Variants in BRD4 observed in about 807,000 individuals in gnomAD.
BRD4 encodes bromodomain-containing protein 4.
In BRD4, 16 loss-of-function variants were observed where a neutral mutation model predicts 142.1. The ratio of observed to expected loss-of-function variants is 0.11; its 90% CI spans 0.08 to 0.17. The LOEUF is 0.17. Ranked by LOEUF, BRD4 falls within the 10% of genes least tolerant of loss-of-function variation. The pLI is 1.00. For synonymous variants in BRD4, 833 were observed against 707.5 expected (o/e 1.18, Z -2.82); for missense variants, 1,424 against 1,810.9 (o/e 0.79, Z 3.88).
intron 1 of BRD4, among the ~76,000 whole-genome samples, chr19:15,310,852 T>C (rs2047964086): frequency 6.6e-6 from 1 of 152,030 alleles, no homozygotes; most frequent in African/African-American, 2.4e-5. Flanking sequence ...GTTTGAACCA[T>C]CTCCCGTACC....
chr19:15,329,878 CACA>C (rs926639891), intron 1 of BRD4, among the ~76,000 whole-genome samples: 19 of 152,296 alleles, frequency 1.2e-4, no homozygotes, highest in African/African-American at 3.6e-4. Flanking sequence ...GTACAAAGAT[CACA>C]ACAACTGGCT....
In BRD4 at chr19:15,244,424, C is replaced by G. The variant is rs369957072; in HGVS notation, c.2388G>C (p.Ser796=). 1 of 1,536,016 alleles carries G rather than the reference C, an allele frequency of 6.5e-7. No homozygotes were observed. Among genetic ancestry groups the G allele is most frequent in the Non-Finnish European group, 8.7e-7 (1 of 1,146,706 alleles). ...CCTGGGTGGCAATGAAGGGTGGGGG[C>G]GAGGACTTCATCGCCGGGGCTGCCT... is the stretch of plus-strand genomic sequence containing the variant. ...PQQAAPAMKS[S]PPPFIATQVP... is the part of the protein sequence containing the mutation. The change falls in exon 13 of 20, where the codon TCG becomes TCC. Residue 796 remains serine, a synonymous_variant. Transcript: ENST00000679869.
chr19:15,277,895 A>G (rs2047664751), intron 1 of BRD4, among the ~76,000 whole-genome samples: 1 of 151,704 alleles, frequency 6.6e-6, no homozygotes, highest in Non-Finnish European at 1.5e-5. Flanking sequence ...TCACGAGGTC[A>G]GGAGACCGAG....
rs575003762 is a variant in BRD4, at chr19:15,284,332, C to T, written c.-34-11199G>A. Among the ~76,000 whole-genome samples the T allele has an allele frequency of 4.6e-5, 7 of 152,280 alleles. No individual in the cohort carries two copies. In the South Asian group the frequency reaches 1.0e-3, roughly 23 times the overall value. On this transcript the variant is annotated intron_variant, in intron 1 of 19. Transcript: ENST00000679869. ...AACGCAGAATGTGACACTAAATTAA[C>T]GTCAGAGCTTCCAGCTTCCAAAGAC... is the stretch of plus-strand genomic sequence containing the variant.
At chr19:15,301,696 C>T (rs1466940542) in intron 1 of BRD4, among the ~76,000 whole-genome samples, 2 of 151,226 alleles carry the variant, frequency 1.3e-5, no homozygotes, top group African/African-American at 2.4e-5. Context: ...CTCATCTCTA[C>T]TAAAAATACA....
intron 1 of BRD4, among the ~76,000 whole-genome samples, chr19:15,295,781 G>C (rs1218336281): frequency 6.6e-6 from 1 of 152,180 alleles, no homozygotes; most frequent in Non-Finnish European, 1.5e-5. Context: ...GACCAGCCTG[G>C]CCAACATAGT....
intron 7 of BRD4, among the ~76,000 whole-genome samples, chr19:15,258,050 CAG>C (rs2047431834): frequency 6.6e-6 from 1 of 152,186 alleles, no homozygotes; most frequent in African/African-American, 2.4e-5. Context: ...TGGCTCAAGA[CAG>C]AGGCAGAAGC....
intron 6 of BRD4, among the ~76,000 whole-genome samples, chr19:15,263,801 G>C (rs2047500684): frequency 6.6e-6 from 1 of 152,204 alleles, no homozygotes; most frequent in South Asian, 2.1e-4. Flanking sequence ...GGCGGAGCCT[G>C]AGCCAGAAAT....
intron 1 of BRD4, among the ~76,000 whole-genome samples, chr19:15,279,041 A>G (rs965280787): frequency 2.6e-5 from 4 of 152,142 alleles, no homozygotes; most frequent in Non-Finnish European, 5.9e-5. Flanking sequence ...GGGTTTCTCC[A>G]TGTTGGTCAG....
intron 1 of BRD4, among the ~76,000 whole-genome samples, chr19:15,292,205 G>C (rs1599494527): frequency 6.6e-6 from 1 of 152,082 alleles, no homozygotes. Context: ...TCCCACCCTG[G>C]TGTTCTCTGT....
intron 1 of BRD4, among the ~76,000 whole-genome samples, chr19:15,292,629 T>G (rs1312473522): frequency 1.3e-5 from 2 of 151,266 alleles, no homozygotes; most frequent in African/African-American, 4.9e-5. Flanking sequence ...ATACAAAAAA[T>G]TAGCTGGGCG....
At chr19:15,293,520 CAG>C (rs1340230793) in intron 1 of BRD4, among the ~76,000 whole-genome samples, 1 of 152,208 alleles carries the variant, frequency 6.6e-6, no homozygotes, top group Non-Finnish European at 1.5e-5. Flanking sequence ...ACCGCCATGG[CAG>C]AGTGTAAGAG....
rs775045360 is a variant in BRD4 at position 15,235,848 on chromosome 19, A to C, written c.*2529T>G. On this transcript the variant is annotated 3_prime_UTR_variant, in exon 20 of 20. Coordinates refer to ENST00000679869, the MANE Select transcript of BRD4 (RefSeq NM_001379291.1). ...GACACCCATCAGGGAGGTGTGGAGA[A>C]GGCCATGGCTGAGTTAAATCTTCAG... is the stretch of plus-strand genomic sequence containing the variant. The C allele has an allele frequency of 1.3e-5, 2 of 152,366 alleles. No homozygotes were observed. The highest frequency in any genetic ancestry group is 4.8e-5 in the African/African-American group (2 of 41,584). The allele number at this position is 152,366 out of a possible 1,614,324, so 9.4% of individuals were successfully genotyped here.
intron 2 of BRD4, among the ~76,000 whole-genome samples, chr19:15,270,363 T>C (rs1345782552): frequency 6.6e-6 from 1 of 152,148 alleles, no homozygotes; most frequent in Non-Finnish European, 1.5e-5. Context: ...GGAACTGCCC[T>C]GGGGGTGAGG....
chr19:15,295,328 T>C (rs2047814532), intron 1 of BRD4, among the ~76,000 whole-genome samples: 1 of 152,224 alleles, frequency 6.6e-6, no homozygotes, highest in Admixed American at 6.5e-5. Context: ...GACCCTCGAT[T>C]TCTTCTATCA....
intron 1 of BRD4, among the ~76,000 whole-genome samples, chr19:15,285,662 A>T (rs2047734496): frequency 6.6e-6 from 1 of 152,246 alleles, no homozygotes; most frequent in African/African-American, 2.4e-5. Flanking sequence ...AAAAAATTTT[A>T]AAAAGTGCAC....
Position 15,320,849 on chromosome 19 carries a change from C to T in BRD4, c.-35+11441G>A, listed in dbSNP as rs16980462. ...AGTAACTCAATTCTGAACTGTTTTCCACTAATTCTGGTTTACAAACTAGTA... is the reference window on the plus strand; with the variant it reads ...AGTAACTCAATTCTGAACTGTTTTCTACTAATTCTGGTTTACAAACTAGTA... On this transcript the variant is annotated intron_variant, in intron 1 of 19. Transcript: ENST00000679869. Among the ~76,000 whole-genome samples the T allele has an allele frequency of 3.9e-3, 587 of 152,316 alleles. 6 individuals are homozygous for T. Among genetic ancestry groups the T allele is most frequent in the African/African-American group, 0.013 (552 of 41,566 alleles).
rs1310701081 is a variant in BRD4 at position 15,253,617 on chromosome 19, C to T, written c.2158+535G>A. Reference sequence around the variant, plus strand: ...GGGAGGGGTAGGCAATGGCTGGGGCCCAGGTGATGGCAGGGCCAGCAGCAG... The same window carrying T: ...GGGAGGGGTAGGCAATGGCTGGGGCTCAGGTGATGGCAGGGCCAGCAGCAG... On this transcript the variant is annotated intron_variant, in intron 11 of 19. Coordinates refer to ENST00000679869, the MANE Select transcript of BRD4 (RefSeq NM_001379291.1). The T allele has an allele frequency of 1.9e-6, 3 of 1,595,502 alleles. No individual in the cohort carries two copies. The East Asian group carries it at 6.7e-5, about 36-fold the overall frequency.
chr19:15,321,120 G>T (rs1316006958), intron 1 of BRD4, among the ~76,000 whole-genome samples: 1 of 152,112 alleles, frequency 6.6e-6, no homozygotes, highest in Non-Finnish European at 1.5e-5. Context: ...TCTAATCCCA[G>T]CTACTCGGGA....
Sources: gnomAD v4.1 joint callset for allele counts (sites outside exome capture counted in the v4.1 genomes callset) on GRCh38, gnomAD v4.1.1 for gene constraint, MANE v1.5 for transcripts, NCBI Gene and HGNC (gene_info 2026-07-23, HGNC 2026-07-21) for gene names.